UBE2T: variants seen among roughly 807,000 people sequenced by gnomAD.
UBE2T encodes ubiquitin-conjugating enzyme E2 T.
In UBE2T, 15 loss-of-function variants were observed where a neutral mutation model predicts 23.3. That is an observed-to-expected ratio of 0.64 (90% confidence interval 0.43 to 0.99). UBE2T has a LOEUF of 0.99. UBE2T is among the 50% of genes least tolerant of loss of function. The pLI, the probability that UBE2T is intolerant of heterozygous loss-of-function variation, is 0.00. For missense variants in UBE2T, 197 were observed against 234.9 expected (o/e 0.84, Z 1.05); for synonymous variants, 67 against 78.4 (o/e 0.85, Z 0.77).
intron 6 of UBE2T, 71 bp downstream of exon 6, chr1:202,332,939 A>AAAACAAAAAAAAAC (rs1558100064): frequency 4.2e-6 from 1 of 238,832 alleles, no homozygotes; most frequent in Non-Finnish European, 7.4e-6. Flanking sequence ...AAAAAAAAAA[A>AAAACAAAAAAAAAC]ACATTATTTA....
intron 3 of UBE2T, among the ~76,000 whole-genome samples, chr1:202,334,360 A>G (rs1654835671): frequency 6.6e-6 from 1 of 152,194 alleles, no homozygotes; most frequent in Non-Finnish European, 1.5e-5. Context: ...GGGGAACGAC[A>G]GACACTGGGG....
chr1:202,332,083 CATACGATATT>C, intron 6 of UBE2T, 123 bp from the exon 7 acceptor site: 1 of 1,215,136 alleles, frequency 8.2e-7, no homozygotes, highest in Admixed American at 2.7e-5. Flanking sequence ...CAGTATTATG[CATACGATATT>C]CTCTCAAAGA....
Position 202,331,757 on chromosome 1 carries a change from T to A in UBE2T, c.*78A>T, listed in dbSNP as rs575115067. ...CAAAAATTATGTCATCAAATATATT[T>A]AAAAAAAAATTCAAGGTAGGCAACT... is the stretch of plus-strand genomic sequence containing the variant. On this transcript the variant is annotated 3_prime_UTR_variant, in exon 7 of 7. Transcript: ENST00000646651. 6.3e-5 allele frequency: 96 copies of A among 1,527,414 alleles called. No homozygotes were observed. The highest frequency in any genetic ancestry group is 9.8e-5 in the Admixed American group (5 of 50,994). The allele number at this position is 1,527,414 out of a possible 1,614,324, so 94.6% of individuals were successfully genotyped here.
Position 202,333,527 on chromosome 1 carries a change from A to C in UBE2T, c.208T>G (p.Phe70Val), listed in dbSNP as rs762151061. ...RYPFEPPQIR[F>V]LTPIYHPNID... The stretch of plus-strand genomic sequence containing the variant: ...TTTGGATGATAAATTGGAGTGAGAA[A>C]TCGGATCTGAGGAGGTTCAAATGGG... The change falls in exon 4 of 7, where the codon TTT becomes GTT. Residue 70 changes from phenylalanine to valine, a missense_variant. Physicochemically the swap from Phe to Val is conservative, Grantham distance 50. Coordinates refer to ENST00000646651, the MANE Select transcript of UBE2T (RefSeq NM_014176.4). The C allele has an allele frequency of 5.6e-6, 9 of 1,614,044 alleles. No individual in the cohort carries two copies. In the African/African-American group the frequency reaches 9.3e-5, roughly 17 times the overall value.
Position 202,333,287 on chromosome 1 carries a change from G to A in UBE2T, c.334C>T (p.Gln112Ter), listed in dbSNP as rs1346001133. The change falls in exon 5 of 7, where the codon CAG (glutamine) becomes TAG (stop). Residue 112 changes from glutamine (Q) to a stop codon, truncating the protein, a stop_gained. Coordinates refer to ENST00000646651, the MANE Select transcript of UBE2T (RefSeq NM_014176.4). LOFTEE classifies it high-confidence loss of function. ...GGGTTGGGTTCTGACATGAGCAGCTGAATAGAGGTCAACACAGTTGCGATG... is the reference window on the plus strand; with the variant it reads ...GGGTTGGGTTCTGACATGAGCAGCTAAATAGAGGTCAACACAGTTGCGATG... ...LNIATVLTSI[Q>*]LLMSEPNPDD... is the part of the protein sequence containing the mutation. The A allele has an allele frequency of 6.2e-7, 1 of 1,614,176 alleles. No individual in the cohort carries two copies. Among genetic ancestry groups the A allele is most frequent in the South Asian group, 1.1e-5 (1 of 91,072 alleles).
chr1:202,334,980 C>G lies in UBE2T; in HGVS notation c.179+9G>C. 6.2e-7 allele frequency: 1 copy of G among 1,610,572 alleles called. No individual in the cohort carries two copies. Among genetic ancestry groups the G allele is most frequent in the Non-Finnish European group, 8.5e-7 (1 of 1,178,084 alleles). On this transcript the variant is annotated intron_variant, in intron 3 of 6. Transcript: ENST00000646651. Reference sequence around the variant, plus strand: ...CACCATGTAGGTTGAGAAGCTGATTCATACTAACCTCTCAGGAATGATAAC... The same window carrying G: ...CACCATGTAGGTTGAGAAGCTGATTGATACTAACCTCTCAGGAATGATAAC...
At chr1:202,336,464 A>G (rs1234896735) in intron 1 of UBE2T, among the ~76,000 whole-genome samples, 1 of 152,080 alleles carries the variant, frequency 6.6e-6, no homozygotes, top group Non-Finnish European at 1.5e-5. Flanking sequence ...GTTTATCTAT[A>G]CAAGCAAATA....
chr1:202,336,210 CTTTTTTTTTTTTTTT>C (rs60785340), intron 1 of UBE2T, among the ~76,000 whole-genome samples: 2 of 34,368 alleles, frequency 5.8e-5, no homozygotes, highest in South Asian at 4.0e-3. Flanking sequence ...ATGCACCCAG[CTTTTTTTTTTTTTTT>C]TTTTTTTTTT....
In UBE2T at chr1:202,333,252, C is replaced by CG. The variant is rs769303670; in HGVS notation, c.368dup (p.Leu124AlafsTer4). On this transcript the variant is annotated frameshift_variant, in exon 5 of 7. Coordinates refer to ENST00000646651, the MANE Select transcript of UBE2T (RefSeq NM_014176.4). LOFTEE classifies it high-confidence loss of function. ...GGATATTTACTATGTCAGCCATGAG[C>CG]GGGTCATCAGGGTTGGGTTCTGACA... The CG allele has an allele frequency of 3.1e-6, 5 of 1,613,958 alleles. No individual in the cohort carries two copies. In the East Asian group the frequency reaches 1.1e-4, roughly 36 times the overall value.
chr1:202,331,991 GGTTCACAC>G lies in UBE2T; in HGVS notation c.469-39_469-32del. ...GAGGAGACAGGGTGAAACACAGTAA[GGTTCACAC>G]AAATGCCAGGATGGAGAAAAATGAA... is the stretch of plus-strand genomic sequence containing the variant. On this transcript the variant is annotated intron_variant, in intron 6 of 6. Coordinates refer to ENST00000646651, the MANE Select transcript of UBE2T (RefSeq NM_014176.4). 5.6e-6 allele frequency: 9 copies of G among 1,607,232 alleles called. No individual in the cohort carries two copies. In the Middle Eastern group the frequency reaches 1.2e-3, roughly 208 times the overall value.
At chr1:202,338,150 A>C (rs748392617) in intron 1 of UBE2T, among the ~76,000 whole-genome samples, 3 of 152,080 alleles carry the variant, frequency 2.0e-5, no homozygotes, top group Non-Finnish European at 4.4e-5. Context: ...CTAAGTATTT[A>C]TATTTTTGCT....
At chr1:202,340,943 C>T (rs1376852090) in intron 1 of UBE2T, among the ~76,000 whole-genome samples, 2 of 152,208 alleles carry the variant, frequency 1.3e-5, no homozygotes, top group Admixed American at 6.5e-5. Context: ...CCTTATATCC[C>T]GCCTTATATC....
At chr1:202,332,088 G>T in intron 6 of UBE2T, 128 bp from the exon 7 acceptor site, 1 of 1,159,280 alleles carries the variant, frequency 8.6e-7, no homozygotes, top group Non-Finnish European at 1.2e-6. Flanking sequence ...TTATGCATAC[G>T]ATATTCTCTC....
chr1:202,339,434 A>G (rs1201168382), intron 1 of UBE2T, among the ~76,000 whole-genome samples: 1 of 151,980 alleles, frequency 6.6e-6, no homozygotes, highest in Non-Finnish European at 1.5e-5. Flanking sequence ...ACCAAAAGGA[A>G]GTTCAAGTTT....
intron 1 of UBE2T, among the ~76,000 whole-genome samples, chr1:202,338,159 CTA>C (rs1241211239): frequency 1.3e-5 from 2 of 152,020 alleles, no homozygotes; most frequent in African/African-American, 4.8e-5. Flanking sequence ...TATATTTTTG[CTA>C]TCTTTTCAAA....
rs756049386 is a variant in UBE2T at position 202,331,974 on chromosome 1, AG to A, written c.469-15del. On this transcript the variant is annotated splice_polypyrimidine_tract_variant and intron_variant, in intron 6 of 6. Coordinates refer to ENST00000646651, the MANE Select transcript of UBE2T (RefSeq NM_014176.4). ...TTCCTCATCAGCCTAAAGAGGAGAC[AG>A]GGTGAAACACAGTAAGGTTCACACA... 1.9e-6 allele frequency: 3 copies of A among 1,613,896 alleles called. No homozygotes were observed. In the South Asian group the frequency reaches 3.3e-5, roughly 18 times the overall value.
chr1:202,335,944 C>T lies in UBE2T; in HGVS notation c.-64-126G>A. 1 of 555,182 alleles carries T rather than the reference C, an allele frequency of 1.8e-6. No homozygotes were observed. The highest frequency in any genetic ancestry group is 3.2e-6 in the Non-Finnish European group (1 of 310,102). The allele number at this position is 555,182 out of a possible 1,614,324, so 34.4% of individuals were successfully genotyped here. On this transcript the variant is annotated intron_variant, in intron 1 of 6. Transcript: ENST00000646651. The surrounding 1 kb of genome is among the most constrained non-coding windows in gnomAD (Gnocchi z 4.0). The stretch of plus-strand genomic sequence containing the variant: ...TTTTTTGTTTTGAGACACAGTTTCA[C>T]TCTGTCACCCAGACTGGAGGGCAGT...
chr1:202,341,743 C>T (rs1415144718), intron 1 of UBE2T, among the ~76,000 whole-genome samples, 152 bp downstream of exon 1: 1 of 152,126 alleles, frequency 6.6e-6, no homozygotes, highest in Non-Finnish European at 1.5e-5. Context: ...GTGAGACCCT[C>T]CGCTCAACAG....
At position 202,331,779 on chromosome 1, in the gene UBE2T, A is replaced by C; in HGVS notation, c.*56T>G. ...ATTTAAAAAAAAATTCAAGGTAGGC[A>C]ACTTAGATCACCTTGGCAAAGAACA... On this transcript the variant is annotated 3_prime_UTR_variant, in exon 7 of 7. Coordinates refer to ENST00000646651, the MANE Select transcript of UBE2T (RefSeq NM_014176.4). 6.3e-7 allele frequency: 1 copy of C among 1,591,692 alleles called. No homozygotes were observed. Among genetic ancestry groups the C allele is most frequent in the Non-Finnish European group, 8.5e-7 (1 of 1,169,748 alleles).
Sources: gnomAD v4.1 joint callset for allele counts (sites outside exome capture counted in the v4.1 genomes callset) on GRCh38, gnomAD v4.1.1 for gene constraint, Gnocchi (gnomAD v3.1) non-coding constraint, MANE v1.5 for transcripts, NCBI Gene and HGNC (gene_info 2026-07-23, HGNC 2026-07-21) for gene names.